Variants in EFCAB6 observed in about 807,000 individuals in gnomAD.
The protein encoded by EFCAB6 is EF-hand calcium-binding domain-containing protein 6.
A neutral mutation model predicts 169.8 loss-of-function variants in EFCAB6; 156 were observed. That is an observed-to-expected ratio of 0.92 (90% CI 0.81 to 1.05). The LOEUF is 1.05. Among genes scored for constraint, EFCAB6 ranks in the 50% least tolerant of loss-of-function variants. The probability of loss-of-function intolerance (pLI) is 0.00; values close to 1 mark genes in which losing one functional copy is unlikely to be tolerated. For synonymous variants in EFCAB6, 698 were observed against 676.4 expected, an observed-to-expected ratio of 1.03 and a Z score of -0.50; for missense variants, 1,800 against 1,829.1, an observed-to-expected ratio of 0.98 and a Z score of 0.29.
chr22:43,578,876 TTG>T (rs1471745292), intron 25 of EFCAB6, among the ~76,000 whole-genome samples: 13 of 150,510 alleles, frequency 8.6e-5, no homozygotes, highest in Non-Finnish European at 1.0e-4. Context: ...GCAGGCATCA[TTG>T]TCTACATGCA....
chr22:43,626,099 GAATA>G (rs2054500042), intron 20 of EFCAB6, among the ~76,000 whole-genome samples: 1 of 152,058 alleles, frequency 6.6e-6, no homozygotes. Context: ...ATACACACAT[GAATA>G]TATATGTAAG....
chr22:43,758,137 C>A lies in EFCAB6; in HGVS notation c.441-2305G>T, dbSNP rs575571082. On this transcript the variant is annotated intron_variant, in intron 5 of 31. Transcript: ENST00000262726. ...ATTACATAATTTTTCTATCCTTTTT[C>A]TTTTAGTCTTTTTAATCCTTTCTAT... Among the ~76,000 whole-genome samples, 7 of 151,862 alleles carry A rather than the reference C, an allele frequency of 4.6e-5. 1 individual carries two copies. The highest frequency in any genetic ancestry group is 1.7e-4 in the African/African-American group (7 of 41,404).
chr22:43,802,798 C>A (rs2062772327), intron 2 of EFCAB6: 2 of 496,736 alleles, frequency 4.0e-6, no homozygotes, highest in Admixed American at 2.1e-5. Flanking sequence ...TTTTTAATAA[C>A]TGTGTACCTC....
At chr22:43,698,894 T>A (rs1452443390) in intron 10 of EFCAB6, among the ~76,000 whole-genome samples, 1 of 152,206 alleles carries the variant, frequency 6.6e-6, no homozygotes, top group Non-Finnish European at 1.5e-5. Context: ...AGCTCAATTG[T>A]ATGTGGTTTC....
rs368012367 is a variant in EFCAB6 at position 43,796,609 on chromosome 22, A to G, written c.-8+12386T>C. Among the ~76,000 whole-genome samples, 65 of 152,210 alleles carry G rather than the reference A, an allele frequency of 4.3e-4. 1 individual carries two copies. In the Middle Eastern group the frequency reaches 0.02, roughly 48 times the overall value. On this transcript the variant is annotated intron_variant, in intron 2 of 31. Coordinates refer to ENST00000262726, the MANE Select transcript of EFCAB6 (RefSeq NM_022785.4). ...ACAAGTCGTGTCAGAAACACTGACC[A>G]CAAGTGTGCTGTCAAACATCTCAAA...
At chr22:43,784,882 A>T (rs1352072969) in intron 2 of EFCAB6, among the ~76,000 whole-genome samples, 3 of 150,898 alleles carry the variant, frequency 2.0e-5, no homozygotes, top group Non-Finnish European at 4.4e-5. Context: ...TCTCTAAATA[A>T]ATTTTTTTTA....
chr22:43,798,945 C>T lies in EFCAB6; in HGVS notation c.-8+10050G>A, dbSNP rs188476160. Among the ~76,000 whole-genome samples the T allele has an allele frequency of 2.0e-5, 3 of 152,300 alleles. No homozygotes were observed. The East Asian group carries it at 5.8e-4, about 29-fold the overall frequency. The stretch of plus-strand genomic sequence containing the variant: ...CAGCCTCTGATCACTTCTGGGTCTC[C>T]AACTTCACCTCTGATTCATCCTCCT... On this transcript the variant is annotated intron_variant, in intron 2 of 31. Transcript: ENST00000262726.
At chr22:43,713,992 C>A (rs1007497684) in intron 9 of EFCAB6, among the ~76,000 whole-genome samples, 1 of 152,040 alleles carries the variant, frequency 6.6e-6, no homozygotes, top group African/African-American at 2.4e-5. Flanking sequence ...GCAAAAATTT[C>A]ATGCCACAAA....
intron 10 of EFCAB6, among the ~76,000 whole-genome samples, chr22:43,691,888 A>C (rs1162216175): frequency 2.6e-5 from 4 of 152,132 alleles, no homozygotes; most frequent in Non-Finnish European, 5.9e-5. Flanking sequence ...TGGGTAATCC[A>C]TGCTAACAGG....
chr22:43,593,872 G>A (rs1269014289), intron 23 of EFCAB6, among the ~76,000 whole-genome samples: 1 of 152,220 alleles, frequency 6.6e-6, no homozygotes, highest in African/African-American at 2.4e-5. Context: ...ACACGTATAA[G>A]GAGTGTGGAT....
intron 15 of EFCAB6, among the ~76,000 whole-genome samples, chr22:43,669,534 AAG>A (rs1256325479): frequency 6.6e-6 from 1 of 152,206 alleles, no homozygotes; most frequent in Non-Finnish European, 1.5e-5. Flanking sequence ...TCTATCATGA[AAG>A]AGAGCTATCA....
intron 17 of EFCAB6, among the ~76,000 whole-genome samples, chr22:43,654,909 T>C (rs1361353698): frequency 2.0e-5 from 3 of 152,158 alleles, no homozygotes; most frequent in Non-Finnish European, 2.9e-5. Flanking sequence ...AGTAAATATG[T>C]AGATTCATTT....
intron 2 of EFCAB6, among the ~76,000 whole-genome samples, chr22:43,789,883 A>ACACACACACACACACAC (rs61135895): frequency 6.6e-6 from 1 of 151,040 alleles, no homozygotes; most frequent in Admixed American, 6.6e-5. Flanking sequence ...ACACACACAC[A>ACACACACACACACACAC]AAAGTCTTCC....
At chr22:43,616,510 A>G (rs952444577) in intron 20 of EFCAB6, among the ~76,000 whole-genome samples, 1 of 152,184 alleles carries the variant, frequency 6.6e-6, no homozygotes, top group Non-Finnish European at 1.5e-5. Flanking sequence ...TAAAAATACA[A>G]AAATTAGCTG....
At chr22:43,693,927 G>T (rs1255839290) in intron 10 of EFCAB6, among the ~76,000 whole-genome samples, 5 of 151,718 alleles carry the variant, frequency 3.3e-5, no homozygotes, top group African/African-American at 1.2e-4. Context: ...TAAATCGAAA[G>T]ACAGGAAATC....
At chr22:43,724,367 C>CT (rs58226287) in intron 8 of EFCAB6, among the ~76,000 whole-genome samples, 10,077 of 107,900 alleles carry the variant, frequency 0.093, 547 homozygotes, top group South Asian at 0.17. Flanking sequence ...TTTCTTTTTT[C>CT]TTTTTTTTTT....
intron 26 of EFCAB6, 27 bp from the exon 27 acceptor site, chr22:43,555,123 C>T (rs2048626759): frequency 1.2e-6 from 2 of 1,611,808 alleles, no homozygotes; most frequent in South Asian, 1.1e-5. Context: ...GGAAATTGAT[C>T]CATGTGAGAA....
At chr22:43,626,750 G>A (rs1483938614) in intron 19 of EFCAB6, 71 bp from the exon 20 acceptor site, 17 of 1,435,114 alleles carry the variant, frequency 1.2e-5, no homozygotes, top group East Asian at 4.6e-5. Context: ...ACACCCCCAC[G>A]TGTAGAGCCT....
rs779914788 is a variant in EFCAB6 at position 43,716,775 on chromosome 22, C to A, written c.882+73G>T. 2.6e-6 allele frequency: 4 copies of A among 1,522,534 alleles called. No individual in the cohort carries two copies. The South Asian group carries it at 5.6e-5, about 21-fold the overall frequency. The allele number at this position is 1,522,534 out of a possible 1,614,324, so 94.3% of individuals were successfully genotyped here. A position where few individuals can be genotyped will look rare whatever the true frequency, so the allele number is the denominator to read the frequency against. ...CAAATTTTAGAAATAATGTGTAAACCTAATAGTTTTCCATATTGTCTACTT... is the reference window on the plus strand; with the variant it reads ...CAAATTTTAGAAATAATGTGTAAACATAATAGTTTTCCATATTGTCTACTT... On this transcript the variant is annotated intron_variant, in intron 9 of 31. Transcript: ENST00000262726.
Sources: allele counts gnomAD v4.1 joint callset (sites outside exome capture counted in the v4.1 genomes callset), GRCh38; gene constraint gnomAD v4.1.1; transcripts MANE v1.5; gene names NCBI Gene and HGNC (gene_info 2026-07-23, HGNC 2026-07-21).